The following FGF13 variants were observed in gnomAD, a reference collection of about 807,000 sequenced individuals.
FGF13 encodes the protein fibroblast growth factor 13, also known as fibroblast growth factor homologous factor 2.
Under a neutral mutation model 19.5 loss-of-function variants are expected in FGF13, and 2 were observed. The observed-to-expected ratio is 0.10, with a 90% CI of 0.04 to 0.32. The LOEUF (loss-of-function observed/expected upper bound fraction) is 0.32, where lower values mean the gene tolerates loss of function less well. Ranked by LOEUF, FGF13 falls within the 10% of genes least tolerant of loss-of-function variation. The probability of loss-of-function intolerance (pLI) is 1.00; values close to 1 mark genes in which losing one functional copy is unlikely to be tolerated. For missense variants in FGF13, 113 were observed against 192.7 expected (o/e 0.59, Z 2.45); for synonymous variants, 72 against 76.9 (o/e 0.94, Z 0.33).
chrX:138,947,580 G>C (rs945847970), intron 1 of FGF13, among the ~76,000 whole-genome samples: 7 of 111,997 alleles, frequency 6.3e-5, no homozygotes, highest in African/African-American at 2.3e-4. Flanking sequence ...TGCCTCTCCT[G>C]TCATGAGGAA....
chrX:139,193,742 TTTA>T (rs2084350889), intron 1 of FGF13, among the ~76,000 whole-genome samples: 1 of 111,664 alleles, frequency 9.0e-6, no homozygotes, highest in Non-Finnish European at 1.9e-5. Flanking sequence ...TAGTATTATT[TTTA>T]TTATTATATC....
At chrX:139,023,041 C>G (rs1347600671) in intron 1 of FGF13, among the ~76,000 whole-genome samples, 1 of 111,280 alleles carries the variant, frequency 9.0e-6, no homozygotes, top group Admixed American at 9.6e-5. Flanking sequence ...ATATGGCATA[C>G]AAGAAAATTG....
intron 1 of FGF13, among the ~76,000 whole-genome samples, chrX:138,888,588 G>A (rs1335452773): frequency 9.1e-6 from 1 of 110,122 alleles, no homozygotes; most frequent in Non-Finnish European, 1.9e-5. Context: ...CAAGGGTGGC[G>A]GGGAGGGGAT....
intron 3 of FGF13, among the ~76,000 whole-genome samples, chrX:138,792,871 C>A (rs994097988): frequency 1.8e-5 from 2 of 111,546 alleles, no homozygotes; most frequent in Admixed American, 1.9e-4. Flanking sequence ...GAATACATGT[C>A]CCTGCCCTAA....
upstream of FGF13, chrX:138,716,390 TGAG>T (rs1664977551): frequency 9.0e-6 from 1 of 111,011 alleles, no homozygotes; most frequent in Non-Finnish European, 1.9e-5. Flanking sequence ...GAAATACAAA[TGAG>T]GAGTTTAGAG....
At chrX:139,078,819 G>A (rs983685277) in intron 1 of FGF13, among the ~76,000 whole-genome samples, 3 of 112,642 alleles carry the variant, frequency 2.7e-5, no homozygotes, top group Non-Finnish European at 5.6e-5. Context: ...ACCCGCTAAC[G>A]TTTAAATGAA....
At chrX:138,809,662 G>A (rs762881399) in intron 3 of FGF13, among the ~76,000 whole-genome samples, 3 of 111,599 alleles carry the variant, frequency 2.7e-5, no homozygotes, top group African/African-American at 9.8e-5. Flanking sequence ...AATTGTCCCC[G>A]TTTGCAGATG....
chrX:138,996,481 G>A (rs1415003140), intron 1 of FGF13, among the ~76,000 whole-genome samples: 1 of 112,838 alleles, frequency 8.9e-6, no homozygotes, highest in Non-Finnish European at 1.9e-5. Context: ...ATCGACCTGG[G>A]GTGCTCAAGC....
intron 1 of FGF13, among the ~76,000 whole-genome samples, chrX:138,946,698 T>A (rs905656754): frequency 8.9e-6 from 1 of 112,104 alleles, no homozygotes; most frequent in Non-Finnish European, 1.9e-5. Context: ...TCATCATTTT[T>A]AAATGGCCCT....
intron 3 of FGF13, among the ~76,000 whole-genome samples, chrX:138,784,086 G>A (rs867015333): frequency 1.0e-5 from 1 of 96,911 alleles, no homozygotes; most frequent in South Asian, 5.8e-4. Flanking sequence ...AACACCGCAT[G>A]TTCTCACTCA....
intron 3 of FGF13, among the ~76,000 whole-genome samples, chrX:138,682,171 T>TG (rs749010489): frequency 6.7e-4 from 75 of 112,447 alleles, no homozygotes; most frequent in Non-Finnish European, 1.1e-3. Context: ...TGGCTATATT[T>TG]GGTATCAGGA....
At chrX:138,898,994 C>T (rs1380185610) in intron 1 of FGF13, among the ~76,000 whole-genome samples, 1 of 111,724 alleles carries the variant, frequency 9.0e-6, no homozygotes, top group Non-Finnish European at 1.9e-5. Flanking sequence ...TTTACTTTCA[C>T]ACTGGTGGGA....
At chrX:138,936,227 T>A (rs766998816) in intron 1 of FGF13, among the ~76,000 whole-genome samples, 1 of 112,213 alleles carries the variant, frequency 8.9e-6, no homozygotes, top group South Asian at 3.8e-4. Flanking sequence ...TAAACCTCTA[T>A]CCCTCGGATG....
At chrX:139,009,332 TC>T (rs2092118210) in intron 1 of FGF13, among the ~76,000 whole-genome samples, 1 of 111,157 alleles carries the variant, frequency 9.0e-6, no homozygotes, top group African/African-American at 3.3e-5. Flanking sequence ...AAAAAGATCA[TC>T]ACCTAGGCAC....
rs1367828327 is a variant in FGF13 at position 139,064,460 on chromosome X, G to A, written c.-113+138956C>T. On this transcript the variant is annotated intron_variant, in intron 1 of 2. Coordinates refer to the FGF13 transcript ENST00000421460. ...TGGGACTACAGGCGCCCGCCACCGC[G>A]CCCGGCTAATTTTTTGTATTTTTAG... Among the ~76,000 whole-genome samples the A allele has an allele frequency of 2.5e-5, 2 of 79,188 alleles. 1 individual carries two copies. The highest frequency in any genetic ancestry group is 4.7e-5 in the Non-Finnish European group (2 of 42,364). 68.8% of individuals were successfully genotyped at this position (79,188 alleles called of 115,157 possible).
At chrX:138,783,848 A>G (rs2090668906) in intron 3 of FGF13, among the ~76,000 whole-genome samples, 1 of 110,635 alleles carries the variant, frequency 9.0e-6, no homozygotes, top group African/African-American at 3.3e-5. Flanking sequence ...TCATGCTGCT[A>G]TAAAGACACA....
intron 1 of FGF13, among the ~76,000 whole-genome samples, chrX:139,066,547 G>A (rs747060562): frequency 1.6e-4 from 18 of 111,633 alleles, no homozygotes; most frequent in Non-Finnish European, 3.8e-5. Flanking sequence ...GAATAAACTA[G>A]AAAATCTAGA....
chrX:138,961,314 C>T (rs1318938374), intron 1 of FGF13, among the ~76,000 whole-genome samples: 1 of 111,458 alleles, frequency 9.0e-6, no homozygotes, highest in Admixed American at 9.6e-5. Context: ...CACTCCAGAC[C>T]CTGTTTGCCT....
At chrX:138,997,026 A>G (rs2092046269) in intron 1 of FGF13, among the ~76,000 whole-genome samples, 1 of 112,244 alleles carries the variant, frequency 8.9e-6, no homozygotes, top group Admixed American at 9.4e-5. Flanking sequence ...TGCTGGTGAT[A>G]CCCAGGCAAA....
Sources: allele counts gnomAD v4.1 joint callset (sites outside exome capture counted in the v4.1 genomes callset), GRCh38; gene constraint gnomAD v4.1.1; transcripts MANE v1.5; gene names NCBI Gene and HGNC (gene_info 2026-07-23, HGNC 2026-07-21).